Variants in LEPR observed in about 807,000 individuals in gnomAD.
The protein encoded by LEPR is OB receptor.
LEPR carries 56 observed loss-of-function variants against 114.7 expected under a neutral mutation model. The ratio of observed to expected loss-of-function variants is 0.49; its 90% CI spans 0.39 to 0.61. LEPR has a LOEUF of 0.61. Among genes scored for constraint, LEPR ranks in the 20% least tolerant of loss-of-function variants. LEPR has a pLI of 0.00. For missense variants in LEPR, 1,202 were observed against 1,352.9 expected (o/e 0.89, Z 1.75); for synonymous variants, 443 against 461.4 (o/e 0.96, Z 0.51).
At chr1:65,422,062 AAC>A (rs1646261814) in intron 1 of LEPR, among the ~76,000 whole-genome samples, 1 of 152,054 alleles carries the variant, frequency 6.6e-6, no homozygotes, top group African/African-American at 2.4e-5. Context: ...GCGGTGGGAG[AAC>A]AGATGGTGGG....
At chr1:65,465,009 T>C (rs997707872) in intron 2 of LEPR, among the ~76,000 whole-genome samples, 1 of 152,206 alleles carries the variant, frequency 6.6e-6, no homozygotes, top group Non-Finnish European at 1.5e-5. Flanking sequence ...AAGGGTTTTT[T>C]GTGTCTCTAT....
intron 2 of LEPR, among the ~76,000 whole-genome samples, chr1:65,526,964 A>G (rs1336531579): frequency 6.6e-6 from 1 of 152,226 alleles, no homozygotes; most frequent in African/African-American, 2.4e-5. Context: ...ATAGAGAAAA[A>G]CATGTATAAA....
intron 7 of LEPR, 69 bp from the exon 8 acceptor site, chr1:65,598,591 T>C: frequency 6.3e-7 from 1 of 1,597,246 alleles, no homozygotes; most frequent in Non-Finnish European, 8.5e-7. Context: ...TGAGATTAGC[T>C]TATCCTCACT....
intron 2 of LEPR, among the ~76,000 whole-genome samples, chr1:65,455,352 A>C (rs11208649): frequency 0.42 from 63,699 of 151,804 alleles, 15,037 homozygotes; most frequent in Non-Finnish European, 0.54. Flanking sequence ...GGAGGAGGAG[A>C]GGTGCTCTGC....
chr1:65,449,518 G>A (rs1395619179), intron 2 of LEPR, among the ~76,000 whole-genome samples: 1 of 151,962 alleles, frequency 6.6e-6, no homozygotes, highest in East Asian at 1.9e-4. Context: ...CAGAGGACTC[G>A]AACACCAGCC....
At chr1:65,573,754 G>T (rs1469221520) in intron 5 of LEPR, among the ~76,000 whole-genome samples, 1 of 152,204 alleles carries the variant, frequency 6.6e-6, no homozygotes, top group Non-Finnish European at 1.5e-5. Flanking sequence ...GGGCTGAGAG[G>T]AGGGGGAATT....
At chr1:65,442,556 T>G (rs2100286991) in intron 2 of LEPR, among the ~76,000 whole-genome samples, 1 of 152,384 alleles carries the variant, frequency 6.6e-6, no homozygotes, top group East Asian at 1.9e-4. Flanking sequence ...CATTTATATT[T>G]GACTCAGAAT....
intron 3 of LEPR, among the ~76,000 whole-genome samples, chr1:65,569,534 C>T (rs544260627): frequency 1.3e-5 from 2 of 151,922 alleles, no homozygotes; most frequent in Non-Finnish European, 1.5e-5. Flanking sequence ...TGGCAAAACC[C>T]CGTCTCTACT....
At position 65,478,416 on chromosome 1, in the gene LEPR, C is replaced by A. The variant is rs144356764; in HGVS notation, c.-21+53038C>A. Among the ~76,000 whole-genome samples, 24 of 152,294 alleles carry A rather than the reference C, an allele frequency of 1.6e-4. No homozygotes were observed. In the East Asian group the frequency reaches 4.4e-3, roughly 28 times the overall value. On this transcript the variant is annotated intron_variant, in intron 2 of 19. Transcript: ENST00000349533. ...TTAATTATGGTAGGTAGAAAGAGGT[C>A]TTTTGAAGGCTTTTAGAGCTCATTT... is the stretch of plus-strand genomic sequence containing the variant.
rs6688078 is a variant in LEPR at position 65,579,819 on chromosome 1, G to C, written c.494+7370G>C. Among the ~76,000 whole-genome samples the C allele has an allele frequency of 3.3e-3, 506 of 152,128 alleles. 5 individuals are homozygous for C. The highest frequency in any genetic ancestry group is 0.012 in the African/African-American group (486 of 41,514). On this transcript the variant is annotated intron_variant, in intron 5 of 19. Coordinates refer to ENST00000349533, the MANE Select transcript of LEPR (RefSeq NM_002303.6). ...AAGATAAGTATATGTGTAATATATA[G>C]ATATATATAATTTCAGAGCATTATA...
chr1:65,485,886 T>C (rs1647461816), intron 2 of LEPR, among the ~76,000 whole-genome samples: 1 of 152,118 alleles, frequency 6.6e-6, no homozygotes, highest in Non-Finnish European at 1.5e-5. Context: ...GTTGGGAAGC[T>C]CTCTCTCTAA....
chr1:65,605,618 A>G (rs748046057), intron 11 of LEPR, among the ~76,000 whole-genome samples: 3 of 152,220 alleles, frequency 2.0e-5, no homozygotes, highest in Non-Finnish European at 2.9e-5. Flanking sequence ...GAGGTTCTCA[A>G]TAATCTGAGT....
chr1:65,591,814 G>T (rs1226642265), intron 5 of LEPR, among the ~76,000 whole-genome samples: 6 of 151,898 alleles, frequency 4.0e-5, no homozygotes, highest in Non-Finnish European at 8.8e-5. Context: ...TGCATTTAGT[G>T]TGAAAATTGA....
At chr1:65,505,908 T>TC (rs2100537989) in intron 2 of LEPR, among the ~76,000 whole-genome samples, 1 of 152,272 alleles carries the variant, frequency 6.6e-6, no homozygotes, top group East Asian at 1.9e-4. Context: ...TGACTCTTTC[T>TC]CCCCCACCTC....
In LEPR at chr1:65,636,913, T is replaced by G; in HGVS notation, c.3396T>G (p.Thr1132=). Residue 1132 remains threonine, a synonymous_variant, in exon 20 of 20, where the codon ACT becomes ACG. Transcript: ENST00000349533. ...TAGAAAATAATATCAACTTAGGAAC[T>G]TCTAGTAAGAAGACTTTTGCATCTT... The part of the protein sequence containing the change: ...HFVENNINLG[T]SSKKTFASYM... 1 of 1,607,902 alleles carries G rather than the reference T, an allele frequency of 6.2e-7. No homozygotes were observed. The highest frequency in any genetic ancestry group is 8.5e-7 in the Non-Finnish European group (1 of 1,177,600).
At chr1:65,604,611 C>A (rs1053978663) in intron 10 of LEPR, among the ~76,000 whole-genome samples, 1 of 152,176 alleles carries the variant, frequency 6.6e-6, no homozygotes, top group Non-Finnish European at 1.5e-5. Flanking sequence ...GCCACCGCAC[C>A]GGGCCTTCTG....
At chr1:65,513,153 C>T (rs1237535328) in intron 2 of LEPR, among the ~76,000 whole-genome samples, 1 of 152,148 alleles carries the variant, frequency 6.6e-6, no homozygotes, top group Non-Finnish European at 1.5e-5. Context: ...ATGTGAGATA[C>T]TATGATGGTT....
chr1:65,433,427 A>G (rs1335733732), intron 2 of LEPR: 11 of 985,254 alleles, frequency 1.1e-5, no homozygotes, highest in South Asian at 4.7e-5. Flanking sequence ...TCTAAGATCT[A>G]TTGAGAAAGG....
At chr1:65,612,723 G>A (rs953230906) in intron 14 of LEPR, among the ~76,000 whole-genome samples, 1 of 151,400 alleles carries the variant, frequency 6.6e-6, no homozygotes. Flanking sequence ...AGTACTGGTT[G>A]GGTATTTTGT....
Sources: allele counts gnomAD v4.1 joint callset (sites outside exome capture counted in the v4.1 genomes callset), GRCh38; gene constraint gnomAD v4.1.1; transcripts MANE v1.5; gene names NCBI Gene and HGNC (gene_info 2026-07-23, HGNC 2026-07-21).